COL11A1: variants seen among roughly 807,000 people sequenced by gnomAD.
COL11A1 encodes collagen type XI alpha 1 chain.
In COL11A1, 74 loss-of-function variants were observed where a neutral mutation model predicts 265.2. The observed-to-expected ratio is 0.28, with a 90% CI of 0.23 to 0.34. COL11A1 has a LOEUF of 0.34. COL11A1 is among the 10% of genes least tolerant of loss of function. The probability of loss-of-function intolerance (pLI) is 1.00; values close to 1 mark genes in which losing one functional copy is unlikely to be tolerated. For missense variants in COL11A1, 2,165 were observed against 2,263.6 expected (o/e 0.96, Z 0.88); for synonymous variants, 816 against 727.6 (o/e 1.12, Z -1.96).
At chr1:102,898,551 A>G (rs1476869664) in intron 56 of COL11A1, 115 bp downstream of exon 56, 6 of 749,572 alleles carry the variant, frequency 8.0e-6, no homozygotes, top group Non-Finnish European at 1.3e-5. Context: ...AATTCCCACA[A>G]AATTATCCAC....
intron 14 of COL11A1, among the ~76,000 whole-genome samples, chr1:103,012,193 T>A (rs1295434508): frequency 1.3e-5 from 2 of 152,228 alleles, no homozygotes; most frequent in Non-Finnish European, 2.9e-5. Context: ...ATTACATTTT[T>A]AATTTTATTT....
intron 46 of COL11A1, 92 bp downstream of exon 46, chr1:102,934,357 A>C: frequency 1.1e-6 from 1 of 926,694 alleles, no homozygotes; most frequent in Non-Finnish European, 1.7e-6. Flanking sequence ...TACGTAGAAA[A>C]AAAGAAAAAA....
rs956297718 is a variant in COL11A1 at position 103,004,765 on chromosome 1, G to GA, written c.1846-105dup. 5.1e-6 allele frequency: 5 copies of GA among 972,850 alleles called. No homozygotes were observed. The Admixed American group carries it at 6.6e-5, about 13-fold the overall frequency. 60.3% of individuals were successfully genotyped at this position (972,850 alleles called of 1,614,324 possible). A position where few individuals can be genotyped will look rare whatever the true frequency, so the allele number is the denominator to read the frequency against. ...CAAATAAAACAGGACATTTGGCAGGGAAAATATATGCTTTATTTACCCTCC... is the reference window on the plus strand; with the variant it reads ...CAAATAAAACAGGACATTTGGCAGGGAAAAATATATGCTTTATTTACCCTCC... On this transcript the variant is annotated intron_variant, in intron 18 of 66. Coordinates refer to ENST00000370096, the MANE Select transcript of COL11A1 (RefSeq NM_001854.4).
intron 46 of COL11A1, among the ~76,000 whole-genome samples, chr1:102,934,026 G>A (rs112743492): frequency 2.0e-5 from 3 of 152,134 alleles, no homozygotes; most frequent in African/African-American, 7.2e-5. Flanking sequence ...TACCTCAGAT[G>A]AAAATGCAGA....
At chr1:103,057,823 A>C (rs1028695593) in intron 4 of COL11A1, among the ~76,000 whole-genome samples, 1 of 152,184 alleles carries the variant, frequency 6.6e-6, no homozygotes, top group African/African-American at 2.4e-5. Flanking sequence ...GCTGCCATTC[A>C]GACTTTGTGG....
intron 4 of COL11A1, among the ~76,000 whole-genome samples, chr1:103,053,710 C>A (rs535760990): frequency 6.6e-6 from 1 of 152,202 alleles, no homozygotes; most frequent in South Asian, 2.1e-4. Context: ...AGTAGTGGAA[C>A]TTAAATATCT....
Position 103,006,081 on chromosome 1 carries a change from T to C in COL11A1, c.1778A>G (p.Glu593Gly). 1.2e-6 allele frequency: 2 copies of C among 1,614,040 alleles called. No individual in the cohort carries two copies. The highest frequency in any genetic ancestry group is 1.7e-6 in the Non-Finnish European group (2 of 1,179,978). ...TGAGCTCCTGACCTTTGCCCCAGGT[T>C]CTCCTGGCATTCCTCTTCCTCCATC... The part of the protein sequence containing the change: ...GADGGRGMPG[E>G]PGAKGDRGFD... The change falls in exon 17 of 67, where the codon GAA becomes GGA. Residue 593 changes from glutamate to glycine, a missense_variant. Coordinates refer to ENST00000370096, the MANE Select transcript of COL11A1 (RefSeq NM_001854.4).
chr1:102,985,838 T>C (rs1663485453), intron 30 of COL11A1, among the ~76,000 whole-genome samples: 1 of 152,174 alleles, frequency 6.6e-6, no homozygotes, highest in African/African-American at 2.4e-5. Context: ...GGAAAGGGTT[T>C]AAACGCCCCA....
chr1:102,987,791 AT>A (rs751079084), intron 29 of COL11A1, 51 bp from the exon 30 acceptor site: 25 of 1,377,326 alleles, frequency 1.8e-5, no homozygotes, highest in Non-Finnish European at 2.5e-5. Context: ...CTTTACAAAA[AT>A]TGTAACAGGG....
intron 38 of COL11A1, among the ~76,000 whole-genome samples, chr1:102,965,066 T>A (rs998863416): frequency 2.0e-5 from 3 of 152,276 alleles, no homozygotes; most frequent in African/African-American, 7.2e-5. Flanking sequence ...TTACAAATAT[T>A]AAAATTTTAG....
intron 48 of COL11A1, 74 bp downstream of exon 48, chr1:102,921,444 C>A: frequency 8.1e-7 from 1 of 1,232,232 alleles, no homozygotes; most frequent in Non-Finnish European, 1.2e-6. Flanking sequence ...TTATAACTCA[C>A]AAAGAGCATC....
At chr1:102,927,677 G>C (rs1656777904) in intron 46 of COL11A1, among the ~76,000 whole-genome samples, 1 of 151,948 alleles carries the variant, frequency 6.6e-6, no homozygotes, top group African/African-American at 2.4e-5. Context: ...ACCCAGAATA[G>C]AAGGTATCTG....
chr1:102,908,162 A>AT (rs1280786282), intron 54 of COL11A1, among the ~76,000 whole-genome samples: 1 of 151,804 alleles, frequency 6.6e-6, no homozygotes, highest in Non-Finnish European at 1.5e-5. Flanking sequence ...TTCTACAAAT[A>AT]TTTTTTCTTG....
At chr1:102,894,185 T>G (rs1652101892) in intron 57 of COL11A1, among the ~76,000 whole-genome samples, 1 of 152,342 alleles carries the variant, frequency 6.6e-6, no homozygotes, top group African/African-American at 2.4e-5. Flanking sequence ...TAAATCATTT[T>G]AATTTTGACT....
intron 46 of COL11A1, among the ~76,000 whole-genome samples, chr1:102,931,756 CT>C (rs1318808585): frequency 6.6e-6 from 1 of 151,896 alleles, no homozygotes; most frequent in Non-Finnish European, 1.5e-5. Context: ...TCAGGACTTG[CT>C]TTATGAATCT....
At chr1:103,062,650 A>G (rs186577346) in intron 4 of COL11A1, among the ~76,000 whole-genome samples, 228 of 152,154 alleles carry the variant, frequency 1.5e-3, no homozygotes, top group Admixed American at 3.5e-3. Context: ...ATGTTCTGAA[A>G]ACTAGGAACA....
chr1:102,932,622 A>G (rs1657608716), intron 46 of COL11A1, among the ~76,000 whole-genome samples: 1 of 152,040 alleles, frequency 6.6e-6, no homozygotes, highest in Non-Finnish European at 1.5e-5. Flanking sequence ...GTATTTCCTG[A>G]ATCTGAACAT....
chr1:103,074,278 C>T (rs1671803434), intron 4 of COL11A1, among the ~76,000 whole-genome samples: 1 of 151,952 alleles, frequency 6.6e-6, no homozygotes, highest in Admixed American at 6.6e-5. Flanking sequence ...AATTAACCTC[C>T]CATAGAATGA....
rs1649666228 is a variant in COL11A1, at chr1:102,877,730, G to A, written c.*289C>T. On this transcript the variant is annotated 3_prime_UTR_variant, in exon 67 of 67. Transcript: ENST00000370096. ...TATGAATATATATTTTTCTTTTTTT[G>A]TTTTCTACAGCACCAAAGAAATTCA... 9.1e-6 allele frequency: 3 copies of A among 330,602 alleles called. No individual in the cohort carries two copies. Among genetic ancestry groups the A allele is most frequent in the Non-Finnish European group, 1.7e-5 (3 of 175,686 alleles). 20.5% of individuals were successfully genotyped at this position (330,602 alleles called of 1,614,324 possible).
Sources: allele counts gnomAD v4.1 joint callset (sites outside exome capture counted in the v4.1 genomes callset), GRCh38; gene constraint gnomAD v4.1.1; transcripts MANE v1.5; gene names NCBI Gene and HGNC (gene_info 2026-07-23, HGNC 2026-07-21).